THSD7B: variants seen among roughly 807,000 people sequenced by gnomAD.
The protein encoded by THSD7B is thrombospondin type-1 domain-containing protein 7B.
THSD7B carries 138 observed loss-of-function variants against 213.6 expected under a neutral mutation model. The ratio of observed to expected loss-of-function variants is 0.65; its 90% CI spans 0.56 to 0.74. The LOEUF (loss-of-function observed/expected upper bound fraction) is 0.74. Among genes scored for constraint, THSD7B ranks in the 30% least tolerant of loss-of-function variants. THSD7B has a pLI of 0.00. For missense variants in THSD7B, 1,931 were observed against 1,991.5 expected (o/e 0.97, Z 0.58); for synonymous variants, 742 against 687.0 (o/e 1.08, Z -1.25).
chr2:137,501,574 C>A (rs1260375154), intron 15 of THSD7B, among the ~76,000 whole-genome samples: 2 of 151,958 alleles, frequency 1.3e-5, no homozygotes, highest in African/African-American at 2.4e-5. Flanking sequence ...TTAGATGATA[C>A]CTCTATAGGT....
In THSD7B at chr2:136,916,830, A is replaced by G. The variant is rs1029007488; in HGVS notation, c.139+34513A>G. On this transcript the variant is annotated intron_variant, in intron 2 of 27. Coordinates refer to ENST00000409968, the MANE Select transcript of THSD7B (RefSeq NM_001316349.2). Reference sequence around the variant, plus strand: ...AGGCAGATAACACTTAGTAGTTTACAGTGGAAAAGGACCCAAATCCTGATA... The same window carrying G: ...AGGCAGATAACACTTAGTAGTTTACGGTGGAAAAGGACCCAAATCCTGATA... Among the ~76,000 whole-genome samples, 10 of 152,190 alleles carry G rather than the reference A, an allele frequency of 6.6e-5. No homozygotes were observed. The East Asian group carries it at 7.7e-4, about 12-fold the overall frequency.
intron 2 of THSD7B, among the ~76,000 whole-genome samples, chr2:137,042,276 T>C (rs1686897783): frequency 6.6e-6 from 1 of 152,226 alleles, no homozygotes; most frequent in South Asian, 2.1e-4. Flanking sequence ...ATATGAATCC[T>C]AAAATTGAAA....
intron 24 of THSD7B, among the ~76,000 whole-genome samples, chr2:137,657,381 A>G (rs1176230459): frequency 6.6e-6 from 1 of 152,222 alleles, no homozygotes; most frequent in Non-Finnish European, 1.5e-5. Context: ...ATAAGCTGAA[A>G]TGCAATAAAA....
chr2:137,445,752 A>G (rs1339813808), intron 14 of THSD7B, among the ~76,000 whole-genome samples: 1 of 151,966 alleles, frequency 6.6e-6, no homozygotes, highest in Non-Finnish European at 1.5e-5. Context: ...TCAAAAAAGT[A>G]TGAGTTGTAA....
At position 137,608,371 on chromosome 2, in the gene THSD7B, T is replaced by G. The variant is rs553342991; in HGVS notation, c.3424-7804T>G. ...AATACAGCTCTGTGGTGCTTTTTTT[T>G]TTTTTAACCAGTTATCTTCAACTCA... On this transcript the variant is annotated intron_variant, in intron 17 of 27. Transcript: ENST00000409968. 1.5e-3 allele frequency among the ~76,000 whole-genome samples: 223 copies of G among 152,314 alleles called. 1 individual carries two copies. Among genetic ancestry groups the G allele is most frequent in the African/African-American group, 4.9e-3 (205 of 41,568 alleles).
At chr2:137,381,247 C>A (rs184518621) in intron 12 of THSD7B, among the ~76,000 whole-genome samples, 1 of 152,302 alleles carries the variant, frequency 6.6e-6, no homozygotes, top group African/African-American at 2.4e-5. Context: ...GAGTCCCCTG[C>A]AAGCAGGGAA....
intron 12 of THSD7B, among the ~76,000 whole-genome samples, chr2:137,309,921 G>A (rs1437624665): frequency 6.6e-6 from 1 of 152,036 alleles, no homozygotes; most frequent in Non-Finnish European, 1.5e-5. Flanking sequence ...GGACATTTGG[G>A]TTGGTTCCAA....
intron 20 of THSD7B, among the ~76,000 whole-genome samples, chr2:137,634,418 G>C (rs376774468): frequency 2.8e-4 from 42 of 152,202 alleles, no homozygotes; most frequent in African/African-American, 9.1e-4. Context: ...GAGTTTATAG[G>C]TATATTTATG....
chr2:137,523,457 A>G (rs1388757670), intron 15 of THSD7B, among the ~76,000 whole-genome samples: 1 of 152,200 alleles, frequency 6.6e-6, no homozygotes, highest in African/African-American at 2.4e-5. Flanking sequence ...TCATACAGAA[A>G]AGGAAGGGAA....
intron 2 of THSD7B, among the ~76,000 whole-genome samples, chr2:136,941,508 C>T (rs187384243): frequency 6.6e-6 from 1 of 152,324 alleles, no homozygotes; most frequent in East Asian, 1.9e-4. Flanking sequence ...CACATCCTCT[C>T]CAGCATCTGT....
chr2:137,648,124 T>TA (rs1253194671), intron 21 of THSD7B, among the ~76,000 whole-genome samples: 2 of 152,212 alleles, frequency 1.3e-5, no homozygotes, highest in Non-Finnish European at 2.9e-5. Flanking sequence ...GATGTATATA[T>TA]TTTTTGGGTA....
At position 136,800,813 on chromosome 2, in the gene THSD7B, A is replaced by T. The variant is rs113385198; in HGVS notation, c.-36+35126A>T. On this transcript the variant is annotated intron_variant, in intron 1 of 27. Coordinates refer to ENST00000409968, the MANE Select transcript of THSD7B (RefSeq NM_001316349.2). ...GAGAGAGAGAGAGATTAACTTCTCA[A>T]TTTTTTTTCTCCTAAAGTTTCTTGC... 6.4e-3 allele frequency among the ~76,000 whole-genome samples: 976 copies of T among 151,346 alleles called. 18 individuals are homozygous for T. Among genetic ancestry groups the T allele is most frequent in the African/African-American group, 0.022 (915 of 41,250 alleles).
intron 14 of THSD7B, among the ~76,000 whole-genome samples, chr2:137,449,201 G>A (rs1372198208): frequency 1.3e-5 from 2 of 152,130 alleles, no homozygotes; most frequent in African/African-American, 2.4e-5. Flanking sequence ...GAAATGGTGA[G>A]ATCTTGAACT....
At chr2:137,375,882 A>G (rs1355812346) in intron 12 of THSD7B, among the ~76,000 whole-genome samples, 1 of 152,234 alleles carries the variant, frequency 6.6e-6, no homozygotes, top group Non-Finnish European at 1.5e-5. Flanking sequence ...ACGATATATT[A>G]AAATAATGGT....
chr2:137,252,301 G>A (rs1573913114), intron 10 of THSD7B, among the ~76,000 whole-genome samples: 2 of 151,266 alleles, frequency 1.3e-5, no homozygotes, highest in African/African-American at 4.9e-5. Flanking sequence ...CAAAGGGTTG[G>A]GGGGCTTGAT....
intron 12 of THSD7B, among the ~76,000 whole-genome samples, chr2:137,325,408 A>G (rs1334860254): frequency 1.3e-5 from 2 of 152,218 alleles, no homozygotes; most frequent in Non-Finnish European, 2.9e-5. Context: ...ACAGAATGGT[A>G]TCACACAGGA....
chr2:137,616,076 C>T, intron 17 of THSD7B, 99 bp from the exon 18 acceptor site: 2 of 1,195,534 alleles, frequency 1.7e-6, no homozygotes, highest in South Asian at 1.7e-5. Flanking sequence ...TAATCTATTC[C>T]CTATATTGTT....
At chr2:136,914,003 C>T (rs1684309584) in intron 2 of THSD7B, among the ~76,000 whole-genome samples, 2 of 152,196 alleles carry the variant, frequency 1.3e-5, no homozygotes, top group South Asian at 4.1e-4. Context: ...GGAAAAGCCA[C>T]AGACACTCAA....
chr2:137,436,070 C>T (rs986284063), intron 14 of THSD7B, among the ~76,000 whole-genome samples: 4 of 151,982 alleles, frequency 2.6e-5, no homozygotes, highest in African/African-American at 9.7e-5. Flanking sequence ...ATTAGCTTCC[C>T]TCATATTAAA....
Sources: allele counts gnomAD v4.1 joint callset (sites outside exome capture counted in the v4.1 genomes callset), GRCh38; gene constraint gnomAD v4.1.1; transcripts MANE v1.5; gene names NCBI Gene and HGNC (gene_info 2026-07-23, HGNC 2026-07-21).